The following PLD2 variants were observed in gnomAD, a reference collection of about 807,000 sequenced individuals.
PLD2 encodes the protein choline phosphatase 2.
PLD2 carries 101 observed loss-of-function variants against 119.8 expected under a neutral mutation model. That is an observed-to-expected ratio of 0.84 (90% confidence interval 0.72 to 0.99). PLD2 has a LOEUF of 0.99. Among genes scored for constraint, PLD2 ranks in the 50% least tolerant of loss-of-function variants. The probability of loss-of-function intolerance (pLI) is 0.00; values close to 1 mark genes in which losing one functional copy is unlikely to be tolerated. For synonymous variants in PLD2, 494 were observed against 482.8 expected, an observed-to-expected ratio of 1.02 and a Z score of -0.30; for missense variants, 1,164 against 1,226.8, an observed-to-expected ratio of 0.95 and a Z score of 0.76.
chr17:4,808,482 A>C lies in PLD2; in HGVS notation c.383+66A>C, dbSNP rs1597319493. 1 of 1,517,714 alleles carries C rather than the reference A, an allele frequency of 6.6e-7. No homozygotes were observed. Among genetic ancestry groups the C allele is most frequent in the Non-Finnish European group, 9.0e-7 (1 of 1,108,150 alleles). 94.0% of individuals were successfully genotyped at this position (1,517,714 alleles called of 1,614,324 possible). A position where few individuals can be genotyped will look rare whatever the true frequency, so the allele number is the denominator to read the frequency against. Reference sequence around the variant, plus strand: ...CCCCACCCTCCTTTCTGTCTGTCTCACCCCGGGGCCACAACCTTTCCTCCC... The same window carrying C: ...CCCCACCCTCCTTTCTGTCTGTCTCCCCCCGGGGCCACAACCTTTCCTCCC... On this transcript the variant is annotated intron_variant, in intron 4 of 24. Transcript: ENST00000263088. The surrounding 1 kb of genome is among the most constrained non-coding windows in gnomAD (Gnocchi z 4.1).
intron 4 of PLD2, 60 bp from the exon 5 acceptor site, chr17:4,809,040 C>A: frequency 2.2e-6 from 3 of 1,333,896 alleles, no homozygotes; most frequent in South Asian, 1.2e-5. Flanking sequence ...CCAGTGTTTT[C>A]AGGAACCAGA....
At chr17:4,817,653 C>A (rs1164084264) in intron 17 of PLD2, among the ~76,000 whole-genome samples, 3 of 146,658 alleles carry the variant, frequency 2.0e-5, no homozygotes, top group African/African-American at 7.6e-5. Context: ...CAGAGTGAGA[C>A]TCCATCTCAA....
chr17:4,809,864 C>T lies in PLD2; in HGVS notation c.708-13C>T. ...GAGGGCAGAGAGGAACACACGGAGC[C>T]CTTCTGCTCTAGGTGGCTGGTGGTG... On this transcript the variant is annotated splice_polypyrimidine_tract_variant and intron_variant, in intron 8 of 24. Transcript: ENST00000263088. 2 of 1,614,140 alleles carry T rather than the reference C, an allele frequency of 1.2e-6. No homozygotes were observed. The highest frequency in any genetic ancestry group is 1.7e-6 in the Non-Finnish European group (2 of 1,180,016).
rs1238040460 is a variant in PLD2 at position 4,814,152 on chromosome 17, G to A, written c.1011-266G>A. 11 of 337,798 alleles carry A rather than the reference G, an allele frequency of 3.3e-5. No individual in the cohort carries two copies. In the South Asian group the frequency reaches 3.3e-4, roughly 10 times the overall value. The allele number at this position is 337,798 out of a possible 1,614,324, so 20.9% of individuals were successfully genotyped here. A position where few individuals can be genotyped will look rare whatever the true frequency, so the allele number is the denominator to read the frequency against. The stretch of plus-strand genomic sequence containing the variant: ...TTGGCTCATGTGACTTTTTCTTGTC[G>A]ATTTATTGGTGTTCTTTATGTATGA... On this transcript the variant is annotated intron_variant, in intron 10 of 24. Transcript: ENST00000263088.
Position 4,817,448 on chromosome 17 carries a change from G to C in PLD2, c.1815+189G>C, listed in dbSNP as rs530402870. ...AAGGCCAAGGCAGGCGGATCACAAGGTCCGGAGATCGAGACCATCCTGGCT... is the reference window on the plus strand; with the variant it reads ...AAGGCCAAGGCAGGCGGATCACAAGCTCCGGAGATCGAGACCATCCTGGCT... On this transcript the variant is annotated intron_variant, in intron 17 of 24. Coordinates refer to ENST00000263088, the MANE Select transcript of PLD2 (RefSeq NM_002663.5). 1.6e-4 allele frequency: 94 copies of C among 592,480 alleles called. No individual in the cohort carries two copies. The Admixed American group carries it at 1.6e-3, about 10-fold the overall frequency. The allele number at this position is 592,480 out of a possible 1,614,324, so 36.7% of individuals were successfully genotyped here.
Position 4,816,979 on chromosome 17 carries a change from A to C in PLD2, c.1625A>C (p.Asp542Ala). The C allele has an allele frequency of 1.2e-6, 2 of 1,614,010 alleles. No individual in the cohort carries two copies. The highest frequency in any genetic ancestry group is 8.5e-7 in the Non-Finnish European group (1 of 1,179,944). The change falls in exon 16 of 25, where the codon GAC becomes GCC. Residue 542 changes from aspartate to alanine, a missense_variant. Asp to Ala is a moderately radical substitution (Grantham distance 126). Coordinates refer to ENST00000263088, the MANE Select transcript of PLD2 (RefSeq NM_002663.5). ...ACGACCCCTCGGATGCCATGGCGGG[A>C]CGTTGGGGTGGTCGTCCATGGCCTA... is the stretch of plus-strand genomic sequence containing the variant. ...RETTPRMPWR[D>A]VGVVVHGLPA...
rs1906891968 is a variant in PLD2 at position 4,815,653 on chromosome 17, C to T, written c.1284+67C>T. ...CTCCCCACACTGTCCCAGCCCCCAG[C>T]GCTCCCGCTCCCTGATGGTCTCATC... On this transcript the variant is annotated intron_variant, in intron 13 of 24. Transcript: ENST00000263088. 16 of 1,578,916 alleles carry T rather than the reference C, an allele frequency of 1.0e-5. No individual in the cohort carries two copies. The East Asian group carries it at 1.1e-4, about 11-fold the overall frequency.
At position 4,819,653 on chromosome 17, in the gene PLD2, G is replaced by A. The variant is rs542248004; in HGVS notation, c.2462+71G>A. ...GTCTGCCTTTTGAGCAGGACAAGAGGTAGCACCGCATAGGTACTCCCGGAG... is the reference window on the plus strand; with the variant it reads ...GTCTGCCTTTTGAGCAGGACAAGAGATAGCACCGCATAGGTACTCCCGGAG... On this transcript the variant is annotated intron_variant, in intron 23 of 24. Coordinates refer to ENST00000263088, the MANE Select transcript of PLD2 (RefSeq NM_002663.5). The surrounding 1 kb of genome is among the most constrained non-coding windows in gnomAD (Gnocchi z 4.2). 2.8e-6 allele frequency: 4 copies of A among 1,440,074 alleles called. No individual in the cohort carries two copies. The highest frequency in any genetic ancestry group is 2.8e-5 in the African/African-American group (2 of 71,178). The allele number at this position is 1,440,074 out of a possible 1,614,324, so 89.2% of individuals were successfully genotyped here.
intron 9 of PLD2, 76 bp downstream of exon 9, chr17:4,810,105 G>A (rs986652588): frequency 7.0e-7 from 1 of 1,438,344 alleles, no homozygotes; most frequent in African/African-American, 1.4e-5. Flanking sequence ...TTGAGAAAGA[G>A]AGACCACAGG....
At chr17:4,821,040 T>A (rs971212923) in intron 23 of PLD2, among the ~76,000 whole-genome samples, 1 of 148,536 alleles carries the variant, frequency 6.7e-6, no homozygotes, top group African/African-American at 2.5e-5. Context: ...GTAGCTGGGA[T>A]TACAGGCGCC....
intron 12 of PLD2, 151 bp downstream of exon 12, chr17:4,814,862 C>T (rs751851988): frequency 1.2e-4 from 83 of 711,698 alleles, no homozygotes; most frequent in Admixed American, 2.7e-4. Context: ...ACATCACCTC[C>T]GCCCTCTCCC....
At chr17:4,814,134 AT>A (rs1175201442) in intron 10 of PLD2, 1 of 315,718 alleles carries the variant, frequency 3.2e-6, no homozygotes, top group Non-Finnish European at 5.8e-6. Context: ...CAGTTGGCTC[AT>A]GTGACTTTTT....
In PLD2 at chr17:4,818,758, C is replaced by T. The variant is rs1907310425; in HGVS notation, c.2124-16C>T. 2 of 1,614,148 alleles carry T rather than the reference C, an allele frequency of 1.2e-6. No homozygotes were observed. Among genetic ancestry groups the T allele is most frequent in the Middle Eastern group, 1.6e-4 (1 of 6,062 alleles). Reference sequence around the variant, plus strand: ...TCTGCCAGCCTCCACTTCTCTCCCTCTTTCTTTTCTCTCAGGACCCTGTGT... The same window carrying T: ...TCTGCCAGCCTCCACTTCTCTCCCTTTTTCTTTTCTCTCAGGACCCTGTGT... On this transcript the variant is annotated splice_polypyrimidine_tract_variant and intron_variant, in intron 20 of 24. Coordinates refer to ENST00000263088, the MANE Select transcript of PLD2 (RefSeq NM_002663.5).
intron 17 of PLD2, chr17:4,817,468 C>T: frequency 1.8e-6 from 1 of 565,472 alleles, no homozygotes; most frequent in Non-Finnish European, 3.2e-6. Flanking sequence ...CGAGACCATC[C>T]TGGCTAACAT....
At position 4,810,790 on chromosome 17, in the gene PLD2, G is replaced by A. The variant is rs201304237; in HGVS notation, c.861-12G>A. 5,311 of 1,606,044 alleles carry A rather than the reference G, an allele frequency of 3.3e-3. 188 individuals carry two copies. In the South Asian group the frequency reaches 0.055, roughly 17 times the overall value. On this transcript the variant is annotated splice_polypyrimidine_tract_variant and intron_variant, in intron 9 of 24. Coordinates refer to ENST00000263088, the MANE Select transcript of PLD2 (RefSeq NM_002663.5). ...GGCGAGGATTTATGGACATCTCATC[G>A]TTCCCATCCAGGTCCTTGATTCTCA...
chr17:4,807,657 A>G lies in PLD2; in HGVS notation c.-1-115A>G. Reference sequence around the variant, plus strand: ...GGTCAGGCGTCATCCGCGGGCGGTCAGGAGGCCGTGGGGGAAGAGGAGGAT... The same window carrying G: ...GGTCAGGCGTCATCCGCGGGCGGTCGGGAGGCCGTGGGGGAAGAGGAGGAT... On this transcript the variant is annotated intron_variant, in intron 1 of 24. Transcript: ENST00000263088. The surrounding 1 kb of genome is among the most constrained non-coding windows in gnomAD (Gnocchi z 5.4). 1.5e-6 allele frequency: 1 copy of G among 647,506 alleles called. No individual in the cohort carries two copies. The highest frequency in any genetic ancestry group is 2.7e-6 in the Non-Finnish European group (1 of 366,560). 40.1% of individuals were successfully genotyped at this position (647,506 alleles called of 1,614,324 possible).
At position 4,816,942 on chromosome 17, in the gene PLD2, A is replaced by G; in HGVS notation, c.1588A>G (p.Ile530Val). ...VQLDRPFEDFIDRETTPRMPW... is the reference protein window; with the variant it reads ...VQLDRPFEDFVDRETTPRMPW... ...ACTCTCCTGGGACCCCCCAGATTTC[A>G]TTGACAGGGAGACGACCCCTCGGAT... is the stretch of plus-strand genomic sequence containing the variant. The change falls in exon 16 of 25, where the codon ATT (isoleucine) becomes GTT (valine). Residue 530 changes from isoleucine (I) to valine (V), a missense_variant. Transcript: ENST00000263088. The G allele has an allele frequency of 6.2e-7, 1 of 1,612,274 alleles. No homozygotes were observed. Among genetic ancestry groups the G allele is most frequent in the Non-Finnish European group, 8.5e-7 (1 of 1,178,826 alleles).
At position 4,807,711 on chromosome 17, in the gene PLD2, T is replaced by G; in HGVS notation, c.-1-61T>G. On this transcript the variant is annotated intron_variant, in intron 1 of 24. Transcript: ENST00000263088. The surrounding 1 kb of genome is among the most constrained non-coding windows in gnomAD (Gnocchi z 5.4). Reference sequence around the variant, plus strand: ...GAAGAGATGGAGGACCTGCGGGAGTTAGGATGGGGGGCGGGTTCTGCAGGA... The same window carrying G: ...GAAGAGATGGAGGACCTGCGGGAGTGAGGATGGGGGGCGGGTTCTGCAGGA... 5.5e-6 allele frequency: 5 copies of G among 910,868 alleles called. No homozygotes were observed. In the South Asian group the frequency reaches 6.8e-5, roughly 12 times the overall value. The allele number at this position is 910,868 out of a possible 1,614,324, so 56.4% of individuals were successfully genotyped here.
At position 4,816,677 on chromosome 17, in the gene PLD2, T is replaced by G. The variant is rs1241734438; in HGVS notation, c.1513T>G (p.Phe505Val). The G allele has an allele frequency of 6.2e-7, 1 of 1,613,914 alleles. No individual in the cohort carries two copies. The highest frequency in any genetic ancestry group is 1.3e-5 in the African/African-American group (1 of 74,852). Residue 505 changes from phenylalanine (F) to valine (V), a missense_variant, in exon 15 of 25, where the codon TTC becomes GTC. Coordinates refer to ENST00000263088, the MANE Select transcript of PLD2 (RefSeq NM_002663.5). Reference protein sequence around the residue: ...ATPDLSHNQFFWLGKDYSNLI... With the variant: ...ATPDLSHNQFVWLGKDYSNLI... ...CCCAGACCTCTCTCACAACCAATTC[T>G]TCTGGCTGGGCAAGGACTACAGCAA...
Sources: gnomAD v4.1 joint callset for allele counts (sites outside exome capture counted in the v4.1 genomes callset) on GRCh38, gnomAD v4.1.1 for gene constraint, Gnocchi (gnomAD v3.1) non-coding constraint, MANE v1.5 for transcripts, NCBI Gene and HGNC (gene_info 2026-07-23, HGNC 2026-07-21) for gene names.